NELL1: variants seen among roughly 807,000 people sequenced by gnomAD.
The protein encoded by NELL1 is protein kinase C-binding protein NELL1.
Under a neutral mutation model 107.4 loss-of-function variants are expected in NELL1, and 76 were observed. The observed-to-expected ratio is 0.71, with a 90% CI of 0.59 to 0.86. The LOEUF is 0.86. Among genes scored for constraint, NELL1 ranks in the 40% least tolerant of loss-of-function variants. NELL1 has a pLI of 0.00. For missense variants in NELL1, 1,024 were observed against 1,005.5 expected (o/e 1.02, Z -0.25); for synonymous variants, 353 against 341.2 (o/e 1.03, Z -0.38).
At chr11:21,174,997 C>A (rs910659207) in intron 13 of NELL1, among the ~76,000 whole-genome samples, 1 of 151,738 alleles carries the variant, frequency 6.6e-6, no homozygotes, top group Non-Finnish European at 1.5e-5. Flanking sequence ...ATCTCCCATA[C>A]AAACAGGGCA....
rs1312723853 is a variant in NELL1 at position 21,283,954 on chromosome 11, T to G, written c.1549+54500T>G. On this transcript the variant is annotated intron_variant, in intron 14 of 19. Coordinates refer to ENST00000357134, the MANE Select transcript of NELL1 (RefSeq NM_006157.5). ...AGTGTGGTGGGCAGCACACAGTGAC[T>G]ATGATTCCTGGAGATGGCACTGGGA... 3 of 331,572 alleles carry G rather than the reference T, an allele frequency of 9.0e-6. No homozygotes were observed. The East Asian group carries it at 2.3e-4, about 25-fold the overall frequency. 20.5% of individuals were successfully genotyped at this position (331,572 alleles called of 1,614,324 possible). A position where few individuals can be genotyped will look rare whatever the true frequency, so the allele number is the denominator to read the frequency against.
At chr11:21,144,879 T>C (rs1855943787) in intron 13 of NELL1, among the ~76,000 whole-genome samples, 1 of 152,188 alleles carries the variant, frequency 6.6e-6, no homozygotes, top group Admixed American at 6.5e-5. Flanking sequence ...TAAAATGCTG[T>C]TTCATGGTGC....
Position 21,303,971 on chromosome 11 carries a change from G to T in NELL1, c.1550-66882G>T, listed in dbSNP as rs142997614. On this transcript the variant is annotated intron_variant, in intron 14 of 19. Coordinates refer to ENST00000357134, the MANE Select transcript of NELL1 (RefSeq NM_006157.5). ...AAAAGAGTCCTCTCTTTAACCTTGAGCCCTTTTATAAGTGTGCTAATCCTA... is the reference window on the plus strand; with the variant it reads ...AAAAGAGTCCTCTCTTTAACCTTGATCCCTTTTATAAGTGTGCTAATCCTA... 3.2e-3 allele frequency among the ~76,000 whole-genome samples: 490 copies of T among 152,042 alleles called. 4 individuals carry two copies. The highest frequency in any genetic ancestry group is 0.012 in the African/African-American group (478 of 41,516).
At chr11:20,709,466 A>G (rs1460055635) in intron 2 of NELL1, among the ~76,000 whole-genome samples, 1 of 152,090 alleles carries the variant, frequency 6.6e-6, no homozygotes, top group Non-Finnish European at 1.5e-5. Context: ...TTTGAAGTTG[A>G]GTAATGTGAT....
At chr11:21,281,690 C>T (rs1565146310) in intron 14 of NELL1, among the ~76,000 whole-genome samples, 1 of 151,338 alleles carries the variant, frequency 6.6e-6, no homozygotes, top group African/African-American at 2.4e-5. Context: ...CCCCCAGATC[C>T]AGAGAGAGAG....
chr11:21,496,406 T>C (rs965192437), intron 15 of NELL1, among the ~76,000 whole-genome samples: 4 of 141,080 alleles, frequency 2.8e-5, no homozygotes, highest in African/African-American at 1.1e-4. Context: ...TATTCTTCTC[T>C]TGTTTTTTTT....
intron 5 of NELL1, among the ~76,000 whole-genome samples, chr11:20,895,765 C>A (rs1849723499): frequency 6.6e-6 from 1 of 152,026 alleles, no homozygotes; most frequent in South Asian, 2.1e-4. Flanking sequence ...CTCGGCCTCC[C>A]AAAGTGCTGG....
At chr11:20,702,023 T>C (rs1854804960) in intron 2 of NELL1, among the ~76,000 whole-genome samples, 1 of 152,150 alleles carries the variant, frequency 6.6e-6, no homozygotes, top group Non-Finnish European at 1.5e-5. Flanking sequence ...AACTTTAAAG[T>C]AGTTTTTTTC....
chr11:21,049,455 C>T (rs1853438007), intron 12 of NELL1, among the ~76,000 whole-genome samples: 1 of 152,124 alleles, frequency 6.6e-6, no homozygotes, highest in Non-Finnish European at 1.5e-5. Flanking sequence ...AAAGAAATTA[C>T]ATCTCTTTTA....
intron 12 of NELL1, among the ~76,000 whole-genome samples, chr11:21,108,731 C>A (rs565754574): frequency 1.3e-5 from 2 of 152,164 alleles, no homozygotes; most frequent in East Asian, 3.9e-4. Context: ...TGTTTTGGGG[C>A]CTTGGGTCAC....
intron 12 of NELL1, among the ~76,000 whole-genome samples, chr11:21,087,750 C>A (rs57892317): frequency 0.013 from 2,023 of 152,076 alleles, 44 homozygotes; most frequent in African/African-American, 0.047. Flanking sequence ...GGCCTCCTGA[C>A]GGTTTTTTAA....
intron 15 of NELL1, among the ~76,000 whole-genome samples, chr11:21,473,628 T>C (rs562060235): frequency 1.3e-3 from 197 of 152,174 alleles, no homozygotes; most frequent in African/African-American, 4.7e-3. Context: ...ATAGCTAACT[T>C]GGCATTCCCT....
At chr11:21,286,848 T>G (rs1849130572) in intron 14 of NELL1, among the ~76,000 whole-genome samples, 1 of 152,194 alleles carries the variant, frequency 6.6e-6, no homozygotes, top group Non-Finnish European at 1.5e-5. Context: ...ACATAATGGC[T>G]GGTACATAAT....
intron 2 of NELL1, among the ~76,000 whole-genome samples, chr11:20,729,682 A>G (rs1338835742): frequency 6.6e-6 from 1 of 152,160 alleles, no homozygotes; most frequent in African/African-American, 2.4e-5. Flanking sequence ...CTATCCATCC[A>G]TTCATCCACT....
At position 20,694,505 on chromosome 11, in the gene NELL1, C is replaced by A. The variant is rs534001925; in HGVS notation, c.184+16445C>A. 2.6e-5 allele frequency among the ~76,000 whole-genome samples: 4 copies of A among 152,124 alleles called. No homozygotes were observed. In the East Asian group the frequency reaches 7.7e-4, roughly 29 times the overall value. ...ATATGGCTGGTCAGTTATCCCAGCA[C>A]CATTTATTGAATAGGGGGTCCTTTC... On this transcript the variant is annotated intron_variant, in intron 2 of 19. Coordinates refer to ENST00000357134, the MANE Select transcript of NELL1 (RefSeq NM_006157.5).
intron 15 of NELL1, among the ~76,000 whole-genome samples, chr11:21,520,887 C>T (rs1855709764): frequency 6.6e-6 from 1 of 152,222 alleles, no homozygotes; most frequent in African/African-American, 2.4e-5. Context: ...TTTGGTCTCT[C>T]ATTTGTTTCT....
intron 15 of NELL1, among the ~76,000 whole-genome samples, chr11:21,526,451 G>T (rs1469826340): frequency 6.6e-6 from 1 of 152,176 alleles, no homozygotes; most frequent in African/African-American, 2.4e-5. Flanking sequence ...TCTGGAGGAT[G>T]GTGGCCCTCT....
chr11:21,013,174 T>A (rs1029420710), intron 12 of NELL1, among the ~76,000 whole-genome samples: 4 of 152,168 alleles, frequency 2.6e-5, no homozygotes, highest in African/African-American at 9.6e-5. Flanking sequence ...AGGTCAGATC[T>A]CTTTTACTGT....
chr11:21,324,851 C>T (rs1455365809), intron 14 of NELL1, among the ~76,000 whole-genome samples: 2 of 152,034 alleles, frequency 1.3e-5, no homozygotes. Context: ...GTCTTGAAAA[C>T]ACTGACTCTT....
Sources: allele counts gnomAD v4.1 joint callset (sites outside exome capture counted in the v4.1 genomes callset), GRCh38; gene constraint gnomAD v4.1.1; transcripts MANE v1.5; gene names NCBI Gene and HGNC (gene_info 2026-07-23, HGNC 2026-07-21).